The following CCDC171 variants were observed in gnomAD, a reference collection of about 807,000 sequenced individuals.
The protein encoded by CCDC171 is coiled-coil domain containing 171, also known as coiled-coil domain-containing protein 171.
A neutral mutation model predicts 168.2 loss-of-function variants in CCDC171; 177 were observed. The ratio of observed to expected loss-of-function variants is 1.05; its 90% confidence interval spans 0.93 to 1.19. The LOEUF is 1.19. Ranked by LOEUF, CCDC171 falls within the 50% of genes most tolerant of loss-of-function variation. The pLI is 0.00. For missense variants in CCDC171, 1,991 were observed against 1,539.0 expected (o/e 1.29, Z -4.91); for synonymous variants, 687 against 540.8 (o/e 1.27, Z -3.75).
intron 3 of CCDC171, among the ~76,000 whole-genome samples, chr9:16,004,508 A>C (rs182448537): frequency 6.6e-6 from 1 of 152,058 alleles, no homozygotes; most frequent in Non-Finnish European, 1.5e-5. Context: ...TCCTTCCTCA[A>C]CCTTGCATTG....
intron 8 of CCDC171, among the ~76,000 whole-genome samples, chr9:15,665,271 C>T (rs1047393347): frequency 4.6e-5 from 7 of 152,072 alleles, no homozygotes; most frequent in East Asian, 1.9e-4. Flanking sequence ...GGACTACAGG[C>T]GCCGGCTGCC....
intron 25 of CCDC171, among the ~76,000 whole-genome samples, chr9:15,952,452 C>T (rs1829303966): frequency 2.0e-5 from 3 of 152,100 alleles, no homozygotes; most frequent in South Asian, 4.1e-4. Flanking sequence ...GGCTGGAGTA[C>T]AATGGCGTGA....
intron 25 of CCDC171, among the ~76,000 whole-genome samples, chr9:15,959,909 G>C (rs1830180058): frequency 6.6e-6 from 1 of 152,172 alleles, no homozygotes; most frequent in Non-Finnish European, 1.5e-5. Flanking sequence ...ACAGTTTTCA[G>C]ATGACAGAAA....
chr9:15,961,550 T>C (rs1830332104), intron 25 of CCDC171, among the ~76,000 whole-genome samples: 1 of 152,168 alleles, frequency 6.6e-6, no homozygotes, highest in African/African-American at 2.4e-5. Context: ...ACTGTAAATA[T>C]GACTTAGATA....
At chr9:15,705,991 C>T (rs2052188675) in intron 11 of CCDC171, among the ~76,000 whole-genome samples, 1 of 152,132 alleles carries the variant, frequency 6.6e-6, no homozygotes, top group African/African-American at 2.4e-5. Context: ...TAAGGAGTCA[C>T]CAGAAAGATT....
chr9:15,913,294 A>C (rs1823990384), intron 24 of CCDC171, among the ~76,000 whole-genome samples: 1 of 152,116 alleles, frequency 6.6e-6, no homozygotes, highest in African/African-American at 2.4e-5. Flanking sequence ...CATGTCATCT[A>C]GATCTTCTAG....
chr9:15,569,373 G>T (rs1028391927), intron 2 of CCDC171, among the ~76,000 whole-genome samples: 9 of 152,174 alleles, frequency 5.9e-5, no homozygotes, highest in African/African-American at 2.2e-4. Flanking sequence ...TGAGATTATT[G>T]TGAAGAATAA....
At chr9:15,746,681 T>C (rs370375067) in intron 18 of CCDC171, among the ~76,000 whole-genome samples, 1 of 152,180 alleles carries the variant, frequency 6.6e-6, no homozygotes, top group Non-Finnish European at 1.5e-5. Context: ...TCCAGCAAGA[T>C]TGATGCAGAA....
At chr9:16,014,312 C>G (rs1009884800) in intron 3 of CCDC171, among the ~76,000 whole-genome samples, 1 of 152,196 alleles carries the variant, frequency 6.6e-6, no homozygotes, top group Non-Finnish European at 1.5e-5. Context: ...TCAGTCACAT[C>G]TTCAGGTTCC....
intron 23 of CCDC171, among the ~76,000 whole-genome samples, chr9:15,870,951 T>C (rs1045109742): frequency 5.9e-5 from 9 of 151,330 alleles, no homozygotes; most frequent in African/African-American, 2.2e-4. Context: ...AAAATATATT[T>C]ATCTTGAAAT....
intron 3 of CCDC171, among the ~76,000 whole-genome samples, chr9:15,987,490 T>C (rs1221368689): frequency 6.6e-6 from 1 of 152,052 alleles, no homozygotes. Flanking sequence ...AAGATAAACA[T>C]TTTAATTTAA....
At chr9:15,853,624 T>C (rs2061228557) in intron 23 of CCDC171, among the ~76,000 whole-genome samples, 1 of 151,644 alleles carries the variant, frequency 6.6e-6, no homozygotes, top group East Asian at 1.9e-4. Context: ...GAACATCCAG[T>C]ATGGTGTTGA....
intron 16 of CCDC171, among the ~76,000 whole-genome samples, chr9:15,742,383 A>G (rs1000576937): frequency 1.6e-4 from 24 of 152,168 alleles, no homozygotes; most frequent in African/African-American, 4.6e-4. Flanking sequence ...TTCTTCAGGT[A>G]TTCTGAATTA....
chr9:15,703,426 C>T (rs556854931), intron 11 of CCDC171, among the ~76,000 whole-genome samples: 1 of 152,202 alleles, frequency 6.6e-6, no homozygotes, highest in Non-Finnish European at 1.5e-5. Context: ...ACCCCACCAC[C>T]AGCCTCTGAT....
At chr9:15,906,358 G>C (rs989501858) in intron 24 of CCDC171, among the ~76,000 whole-genome samples, 2 of 152,112 alleles carry the variant, frequency 1.3e-5, no homozygotes, top group Non-Finnish European at 2.9e-5. Context: ...GGGATGCAAA[G>C]CTGGTTCAAC....
chr9:15,677,621 A>G (rs755551007), intron 9 of CCDC171, among the ~76,000 whole-genome samples: 80 of 151,838 alleles, frequency 5.3e-4, no homozygotes, highest in Non-Finnish European at 9.9e-4. Context: ...TAGATTATCT[A>G]TAGAAAATTT....
intron 24 of CCDC171, among the ~76,000 whole-genome samples, chr9:15,916,527 T>A (rs1355806137): frequency 6.6e-6 from 1 of 152,084 alleles, no homozygotes; most frequent in Non-Finnish European, 1.5e-5. Context: ...TATTTTGGCA[T>A]GTAGGCTTTA....
At chr9:16,044,110 C>G (rs1833615830) in intron 1 of CCDC171, among the ~76,000 whole-genome samples, 1 of 152,196 alleles carries the variant, frequency 6.6e-6, no homozygotes, top group Admixed American at 6.5e-5. Flanking sequence ...TGGGCTGTCC[C>G]CCTTCTATTC....
chr9:15,736,858 C>T (rs989040375), intron 16 of CCDC171, among the ~76,000 whole-genome samples: 1 of 151,854 alleles, frequency 6.6e-6, no homozygotes, highest in African/African-American at 2.4e-5. Context: ...TGTATTTTTT[C>T]GTAGAGATTG....
Sources: gnomAD v4.1 joint callset for allele counts (sites outside exome capture counted in the v4.1 genomes callset) on GRCh38, gnomAD v4.1.1 for gene constraint, MANE v1.5 for transcripts, NCBI Gene and HGNC (gene_info 2026-07-23, HGNC 2026-07-21) for gene names.